Variants in ARHGAP1 observed in about 807,000 individuals in gnomAD.
ARHGAP1 encodes rho GTPase-activating protein 1.
In ARHGAP1, 23 loss-of-function variants were observed where a neutral mutation model predicts 52.2. The observed-to-expected ratio is 0.44, with a 90% confidence interval of 0.32 to 0.62. The LOEUF (loss-of-function observed/expected upper bound fraction) is 0.62. ARHGAP1 is among the 20% of genes least tolerant of loss of function. The pLI is 0.05. For missense variants in ARHGAP1, 480 were observed against 560.9 expected (o/e 0.86, Z 1.46); for synonymous variants, 210 against 228.4 (o/e 0.92, Z 0.73).
rs111584437 is a variant in ARHGAP1 at position 46,695,362 on chromosome 11, C to T, written c.229+298G>A. The T allele has an allele frequency of 5.4e-3, 2,328 of 429,364 alleles. 13 individuals carry two copies. The highest frequency in any genetic ancestry group is 6.2e-3 in the South Asian group (324 of 51,852). 26.6% of individuals were successfully genotyped at this position (429,364 alleles called of 1,614,324 possible). A position where few individuals can be genotyped will look rare whatever the true frequency, so the allele number is the denominator to read the frequency against. ...GTGGAGGGGTAGGAGGGCAATAGAACGAGGGGAAGGGAAGGCTACTTATTC... is the reference window on the plus strand; with the variant it reads ...GTGGAGGGGTAGGAGGGCAATAGAATGAGGGGAAGGGAAGGCTACTTATTC... On this transcript the variant is annotated intron_variant, in intron 3 of 12. Coordinates refer to ENST00000311956, the MANE Select transcript of ARHGAP1 (RefSeq NM_004308.5).
chr11:46,695,242 C>A, intron 3 of ARHGAP1: 1 of 350,802 alleles, frequency 2.9e-6, no homozygotes, highest in Non-Finnish European at 5.6e-6. Flanking sequence ...GAGGCTCTGC[C>A]CATTCCAGAC....
chr11:46,685,163 A>G (rs1311750439), intron 4 of ARHGAP1, among the ~76,000 whole-genome samples: 1 of 151,344 alleles, frequency 6.6e-6, no homozygotes, highest in Non-Finnish European at 1.5e-5. Context: ...GGAAATGACT[A>G]CACAAAAATA....
In ARHGAP1 at chr11:46,680,349, C is replaced by G; in HGVS notation, c.821-67G>C. The G allele has an allele frequency of 6.3e-7, 1 of 1,593,674 alleles. No homozygotes were observed. The highest frequency in any genetic ancestry group is 8.6e-7 in the Non-Finnish European group (1 of 1,162,248). Reference sequence around the variant, plus strand: ...ACCGGCTGGATTCCCTGCCCCTTCTCTGTCTTGGGGTTCTAGGCAGGGCTG... The same window carrying G: ...ACCGGCTGGATTCCCTGCCCCTTCTGTGTCTTGGGGTTCTAGGCAGGGCTG... On this transcript the variant is annotated intron_variant, in intron 9 of 12. Transcript: ENST00000311956. This position sits in a 1 kb window ranked among gnomAD's most constrained non-coding sequence, Gnocchi z 5.9.
In ARHGAP1 at chr11:46,679,325, C is replaced by T. The variant is rs2134475623; in HGVS notation, c.1131+40G>A. 1 of 1,609,268 alleles carries T rather than the reference C, an allele frequency of 6.2e-7. No individual in the cohort carries two copies. Among genetic ancestry groups the T allele is most frequent in the Non-Finnish European group, 8.5e-7 (1 of 1,176,190 alleles). ...GCAGAGGAGGCGGCAGCTCCTCCTTCCCCCTCCCTTCACCCCAGAGGCCAA... is the reference window on the plus strand; with the variant it reads ...GCAGAGGAGGCGGCAGCTCCTCCTTTCCCCTCCCTTCACCCCAGAGGCCAA... On this transcript the variant is annotated intron_variant, in intron 12 of 12. Transcript: ENST00000311956. The surrounding 1 kb of genome is among the most constrained non-coding windows in gnomAD (Gnocchi z 4.4).
At chr11:46,693,739 G>A (rs1405234179) in intron 3 of ARHGAP1, among the ~76,000 whole-genome samples, 1 of 152,144 alleles carries the variant, frequency 6.6e-6, no homozygotes, top group African/African-American at 2.4e-5. Context: ...GACCTGGGAG[G>A]TAGGGCTGGG....
Position 46,679,001 on chromosome 11 carries a change from C to T in ARHGAP1, c.*36G>A. On this transcript the variant is annotated 3_prime_UTR_variant, in exon 13 of 13. Coordinates refer to ENST00000311956, the MANE Select transcript of ARHGAP1 (RefSeq NM_004308.5). This position sits in a 1 kb window ranked among gnomAD's most constrained non-coding sequence, Gnocchi z 4.4. ...CCAGGAGGAAGAGTCCAAACCCGGG[C>T]TACCAGAGAAGGGGCTGGTGGGGCA... The T allele has an allele frequency of 6.2e-7, 1 of 1,609,158 alleles. No individual in the cohort carries two copies. The highest frequency in any genetic ancestry group is 8.5e-7 in the Non-Finnish European group (1 of 1,176,704).
In ARHGAP1 at chr11:46,681,164, C is replaced by A. The variant is rs2064524623; in HGVS notation, c.537-55G>T. 1.3e-6 allele frequency: 2 copies of A among 1,565,374 alleles called. No individual in the cohort carries two copies. The highest frequency in any genetic ancestry group is 2.2e-5 in the South Asian group (2 of 89,978). On this transcript the variant is annotated intron_variant, in intron 6 of 12. Coordinates refer to ENST00000311956, the MANE Select transcript of ARHGAP1 (RefSeq NM_004308.5). This position sits in a 1 kb window ranked among gnomAD's most constrained non-coding sequence, Gnocchi z 5.7. ...GGGGGCCCGCTTCCGGTGGCCTCCA[C>A]TCTCCCCTCAACACCCACCCAGTTC...
chr11:46,682,054 C>A lies in ARHGAP1; in HGVS notation c.446G>T (p.Arg149Leu). Residue 149 changes from arginine to leucine, a missense_variant, in exon 5 of 13, where the codon CGC becomes CTC. Coordinates refer to ENST00000311956, the MANE Select transcript of ARHGAP1 (RefSeq NM_004308.5). ...WLRDAYREFDRKYKKNIKALY... is the reference protein window; with the variant it reads ...WLRDAYREFDLKYKKNIKALY... ...CAGGCCCCATGCCCCAACCCACTTG[C>A]GGTCAAACTCCCGGTAGGCATCACG... The A allele has an allele frequency of 6.2e-7, 1 of 1,613,934 alleles. No homozygotes were observed. The highest frequency in any genetic ancestry group is 1.1e-5 in the South Asian group (1 of 91,088).
At chr11:46,689,478 T>C (rs2064595287) in intron 3 of ARHGAP1, among the ~76,000 whole-genome samples, 1 of 152,210 alleles carries the variant, frequency 6.6e-6, no homozygotes, top group Admixed American at 6.6e-5. Flanking sequence ...CTAAATATTA[T>C]ACCACTGAAT....
rs1479868273 is a variant in ARHGAP1, at chr11:46,679,524, G to A, written c.1028-56C>T. 1.9e-6 allele frequency: 3 copies of A among 1,607,412 alleles called. No individual in the cohort carries two copies. The highest frequency in any genetic ancestry group is 1.3e-5 in the African/African-American group (1 of 74,904). On this transcript the variant is annotated intron_variant, in intron 11 of 12. Coordinates refer to ENST00000311956, the MANE Select transcript of ARHGAP1 (RefSeq NM_004308.5). The surrounding 1 kb of genome is among the most constrained non-coding windows in gnomAD (Gnocchi z 4.4). ...GCCCTAGGCTGGGCTGGTTCAGGACGCTCTGATGCAGGCTAGAGGGGAGAC... is the reference window on the plus strand; with the variant it reads ...GCCCTAGGCTGGGCTGGTTCAGGACACTCTGATGCAGGCTAGAGGGGAGAC...
At position 46,696,084 on chromosome 11, in the gene ARHGAP1, C is replaced by T. The variant is rs1272970974; in HGVS notation, c.24G>A (p.Gln8=). Residue 8 remains glutamine, a synonymous_variant, in exon 2 of 13, where the codon CAG becomes CAA. Coordinates refer to ENST00000311956, the MANE Select transcript of ARHGAP1 (RefSeq NM_004308.5). The surrounding 1 kb of genome is among the most constrained non-coding windows in gnomAD (Gnocchi z 4.8). MDPLSEL[Q]DDLTLDDTSE... ...TGGTGTCATCCAAGGTCAGATCATCCTGCAGCTCTGAGAGCGGATCCATGG... is the reference window on the plus strand; with the variant it reads ...TGGTGTCATCCAAGGTCAGATCATCTTGCAGCTCTGAGAGCGGATCCATGG... 6.2e-7 allele frequency: 1 copy of T among 1,607,980 alleles called. No individual in the cohort carries two copies.
At chr11:46,687,830 A>T (rs2064582858) in intron 4 of ARHGAP1, 1 of 253,040 alleles carries the variant, frequency 4.0e-6, no homozygotes, top group Non-Finnish European at 7.6e-6. Flanking sequence ...CCATAGGATT[A>T]TAACAGTCAA....
At chr11:46,683,037 C>CTTTTTTTT (rs66603634) in intron 4 of ARHGAP1, among the ~76,000 whole-genome samples, 2 of 108,798 alleles carry the variant, frequency 1.8e-5, no homozygotes, top group Non-Finnish European at 1.8e-5. Flanking sequence ...CCAAAGCCTG[C>CTTTTTTTT]TTTTTTTTTT....
chr11:46,695,928 C>A, intron 2 of ARHGAP1, 47 bp downstream of exon 2: 2 of 1,613,276 alleles, frequency 1.2e-6, no homozygotes, highest in Non-Finnish European at 1.7e-6. Flanking sequence ...AGGAGTGCTT[C>A]CCCCTCTAAA....
chr11:46,695,366 G>A (rs1565690486), intron 3 of ARHGAP1: 1 of 442,340 alleles, frequency 2.3e-6, no homozygotes, highest in East Asian at 5.2e-5. Flanking sequence ...ATAGAACGAG[G>A]GGAAGGGAAG....
intron 3 of ARHGAP1, chr11:46,695,412 G>A (rs753093444): frequency 5.6e-5 from 32 of 567,194 alleles, no homozygotes; most frequent in Non-Finnish European, 8.3e-5. Context: ...TCTGGCTCTG[G>A]GCTAGGCCCT....
chr11:46,688,215 C>A lies in ARHGAP1; in HGVS notation c.275G>T (p.Arg92Leu). The A allele has an allele frequency of 6.2e-7, 1 of 1,614,034 alleles. No homozygotes were observed. Among genetic ancestry groups the A allele is most frequent in the South Asian group, 1.1e-5 (1 of 91,004 alleles). Residue 92 changes from arginine (R) to leucine (L), a missense_variant, in exon 4 of 13, where the codon CGA becomes CTA. Physicochemically the swap from Arg to Leu is moderately radical, Grantham distance 102. Coordinates refer to ENST00000311956, the MANE Select transcript of ARHGAP1 (RefSeq NM_004308.5). ...GRKIIVFSACRMPPSHQLDHS... is the reference protein window; with the variant it reads ...GRKIIVFSACLMPPSHQLDHS... The stretch of plus-strand genomic sequence containing the variant: ...GTCGAGCTGGTGGCTGGGGGGCATT[C>A]GACAGGCACTAAACACAATGATCTT...
chr11:46,679,539 A>T lies in ARHGAP1; in HGVS notation c.1028-71T>A, dbSNP rs2064507378. ...GGTTCAGGACGCTCTGATGCAGGCT[A>T]GAGGGGAGACCCCCAGCAGTCTTCC... is the stretch of plus-strand genomic sequence containing the variant. On this transcript the variant is annotated intron_variant, in intron 11 of 12. Transcript: ENST00000311956. The surrounding 1 kb of genome is among the most constrained non-coding windows in gnomAD (Gnocchi z 4.4). 1 of 1,605,200 alleles carries T rather than the reference A, an allele frequency of 6.2e-7. No homozygotes were observed. Among genetic ancestry groups the T allele is most frequent in the African/African-American group, 1.3e-5 (1 of 74,682 alleles).
rs532976486 is a variant in ARHGAP1 at position 46,677,899 on chromosome 11, G to A, written c.*1138C>T. 68 of 424,652 alleles carry A rather than the reference G, an allele frequency of 1.6e-4. No individual in the cohort carries two copies. The highest frequency in any genetic ancestry group is 6.6e-4 in the South Asian group (40 of 60,384). The allele number at this position is 424,652 out of a possible 1,614,324, so 26.3% of individuals were successfully genotyped here. On this transcript the variant is annotated 3_prime_UTR_variant, in exon 13 of 13. Coordinates refer to ENST00000311956, the MANE Select transcript of ARHGAP1 (RefSeq NM_004308.5). The stretch of plus-strand genomic sequence containing the variant: ...CAGAAGGCGGAGGTGTGCCGAGATC[G>A]CGCCACTGCACTCCAGCCTGGTGAC...
Sources: gnomAD v4.1 joint callset for allele counts (sites outside exome capture counted in the v4.1 genomes callset) on GRCh38, gnomAD v4.1.1 for gene constraint, Gnocchi (gnomAD v3.1) non-coding constraint, MANE v1.5 for transcripts, NCBI Gene and HGNC (gene_info 2026-07-23, HGNC 2026-07-21) for gene names.